The following KCNK10 variants were observed in gnomAD, a reference collection of about 807,000 sequenced individuals.
KCNK10 encodes the protein potassium channel subfamily K member 10.
KCNK10 carries 25 observed loss-of-function variants against 47.7 expected under a neutral mutation model. The observed-to-expected ratio is 0.52, with a 90% confidence interval of 0.38 to 0.73. The LOEUF (loss-of-function observed/expected upper bound fraction) is 0.73. KCNK10 is among the 30% of genes least tolerant of loss of function. KCNK10 has a pLI of 0.00. For missense variants in KCNK10, 563 were observed against 714.5 expected, an observed-to-expected ratio of 0.79 and a Z score of 2.42; for synonymous variants, 303 against 285.6, an observed-to-expected ratio of 1.06 and a Z score of -0.61.
intron 4 of KCNK10, among the ~76,000 whole-genome samples, chr14:88,216,570 G>A (rs554541985): frequency 1.3e-5 from 2 of 152,260 alleles, no homozygotes; most frequent in East Asian, 3.9e-4. Flanking sequence ...GCAATCCTAT[G>A]TTAAATGAAG....
chr14:88,290,969 C>T (rs994793083), intron 1 of KCNK10, among the ~76,000 whole-genome samples: 2 of 152,186 alleles, frequency 1.3e-5, no homozygotes, highest in Non-Finnish European at 2.9e-5. Context: ...GTGGCAGAAC[C>T]GTGCTGTGGG....
intron 4 of KCNK10, among the ~76,000 whole-genome samples, chr14:88,206,880 T>C (rs1405914247): frequency 2.0e-5 from 3 of 152,206 alleles, no homozygotes; most frequent in Non-Finnish European, 2.9e-5. Flanking sequence ...ATATATGCTA[T>C]AAAAGAATAT....
At chr14:88,304,516 GA>G (rs1433896427) in intron 1 of KCNK10, among the ~76,000 whole-genome samples, 3 of 152,326 alleles carry the variant, frequency 2.0e-5, no homozygotes, top group African/African-American at 7.2e-5. Context: ...ACACAGCAGT[GA>G]AAAAAGTTTG....
intron 4 of KCNK10, among the ~76,000 whole-genome samples, chr14:88,199,149 A>T (rs1885020210): frequency 6.6e-6 from 1 of 151,994 alleles, no homozygotes; most frequent in East Asian, 1.9e-4. Context: ...TGAACTCCTG[A>T]CCTCAAGTGA....
intron 3 of KCNK10, among the ~76,000 whole-genome samples, chr14:88,233,917 A>G (rs1304545759): frequency 3.3e-5 from 5 of 152,220 alleles, no homozygotes; most frequent in Non-Finnish European, 7.3e-5. Flanking sequence ...CTAATGTCTC[A>G]TGAATCCAAT....
chr14:88,237,433 C>T (rs908946667), intron 3 of KCNK10, among the ~76,000 whole-genome samples: 4 of 152,190 alleles, frequency 2.6e-5, no homozygotes, highest in Admixed American at 2.0e-4. Flanking sequence ...TTCTTAATGG[C>T]ATCTACAATG....
intron 4 of KCNK10, among the ~76,000 whole-genome samples, chr14:88,221,945 C>A (rs1447707319): frequency 6.6e-6 from 1 of 152,164 alleles, no homozygotes; most frequent in African/African-American, 2.4e-5. Context: ...ATAAGCCAGT[C>A]TGAAAAGGCT....
chr14:88,233,547 G>C (rs577645825), intron 3 of KCNK10, among the ~76,000 whole-genome samples: 1 of 152,232 alleles, frequency 6.6e-6, no homozygotes, highest in Non-Finnish European at 1.5e-5. Flanking sequence ...ATATGACAAT[G>C]AGGACATGGG....
chr14:88,199,483 C>G (rs1299189105), intron 4 of KCNK10, among the ~76,000 whole-genome samples: 1 of 152,172 alleles, frequency 6.6e-6, no homozygotes, highest in Non-Finnish European at 1.5e-5. Context: ...CTGGCTAGAG[C>G]TGTCTGGGAA....
intron 1 of KCNK10, among the ~76,000 whole-genome samples, chr14:88,314,095 G>T (rs920935885): frequency 3.9e-5 from 6 of 152,202 alleles, no homozygotes; most frequent in African/African-American, 7.2e-5. Flanking sequence ...GCTAGGAAAG[G>T]TTAGGTGACT....
intron 3 of KCNK10, among the ~76,000 whole-genome samples, chr14:88,230,927 G>T (rs183358749): frequency 5.7e-4 from 87 of 152,300 alleles, no homozygotes; most frequent in African/African-American, 2.0e-3. Flanking sequence ...ACGTTAACTA[G>T]TAAGAACTCA....
intron 1 of KCNK10, among the ~76,000 whole-genome samples, chr14:88,280,866 C>T (rs908605805): frequency 6.6e-5 from 10 of 152,170 alleles, no homozygotes; most frequent in African/African-American, 2.4e-4. Flanking sequence ...CTCACCCACT[C>T]CCACAGAGCA....
chr14:88,212,669 A>G (rs1016727554), intron 4 of KCNK10, among the ~76,000 whole-genome samples: 1 of 152,170 alleles, frequency 6.6e-6, no homozygotes, highest in Non-Finnish European at 1.5e-5. Flanking sequence ...TCCACCACCT[A>G]TAGGATGAGA....
chr14:88,221,145 T>C (rs1230785775), intron 4 of KCNK10, among the ~76,000 whole-genome samples: 2 of 151,436 alleles, frequency 1.3e-5, no homozygotes, highest in South Asian at 2.1e-4. Context: ...CTACTAAAAA[T>C]ACAAAAATTA....
chr14:88,233,189 TC>T, intron 3 of KCNK10, among the ~76,000 whole-genome samples: 1 of 152,332 alleles, frequency 6.6e-6, no homozygotes, highest in South Asian at 2.1e-4. Context: ...AACATTTATT[TC>T]TTAACACTTC....
chr14:88,323,280 G>A (rs962560584), upstream of KCNK10: 15 of 985,536 alleles, frequency 1.5e-5, no homozygotes, highest in South Asian at 4.7e-5. Flanking sequence ...GGGCGGGCAC[G>A]TCAGCCTCGC....
chr14:88,185,933 G>C lies in KCNK10; in HGVS notation c.1234C>G (p.Arg412Gly), dbSNP rs200366528. 3 of 1,613,944 alleles carry C rather than the reference G, an allele frequency of 1.9e-6. No individual in the cohort carries two copies. The highest frequency in any genetic ancestry group is 2.2e-5 in the East Asian group (1 of 44,832). ...CTCTCCTGGGATGAGGCCTTGAAGC[G>C]GCCGGTGTCCAGGGCAGCAAAGACA... ...RSVFAALDTGRFKASSQESIN... is the reference protein window; with the variant it reads ...RSVFAALDTGGFKASSQESIN... The change falls in exon 7 of 7, where the codon CGC (arginine) becomes GGC (glycine). Residue 412 changes from arginine (R) to glycine (G), a missense_variant. By Grantham distance (125) the Arg-to-Gly change is moderately radical. Transcript: ENST00000319231. This position sits in a 1 kb window ranked among gnomAD's most constrained non-coding sequence, Gnocchi z 4.3.
chr14:88,192,177 AT>A lies in KCNK10; in HGVS notation c.868+46del, dbSNP rs771925665. The A allele has an allele frequency of 1.1e-4, 164 of 1,532,688 alleles. 1 individual carries two copies. In the East Asian group the frequency reaches 3.7e-3, roughly 35 times the overall value. The allele number at this position is 1,532,688 out of a possible 1,614,324, so 94.9% of individuals were successfully genotyped here. ...TTGCGAAAAGCACAGCCAACAGATT[AT>A]TTTTCCCGCCAGAGCCCCAGTGCCT... On this transcript the variant is annotated intron_variant, in intron 5 of 6. Coordinates refer to ENST00000319231, the MANE Select transcript of KCNK10 (RefSeq NM_138317.3).
chr14:88,186,966 T>C lies in KCNK10; in HGVS notation c.1012-811A>G, dbSNP rs555423634. On this transcript the variant is annotated intron_variant, in intron 6 of 6. Transcript: ENST00000319231. The surrounding 1 kb of genome is among the most constrained non-coding windows in gnomAD (Gnocchi z 5.5). ...TAATGAACAGGGCAGACAGTATAAG[T>C]CCCATGCTTCCCTCTGCAAATGAGG... 2.6e-4 allele frequency among the ~76,000 whole-genome samples: 40 copies of C among 152,296 alleles called. No individual in the cohort carries two copies. The highest frequency in any genetic ancestry group is 1.0e-3 in the Admixed American group (16 of 15,292).
Sources: allele counts gnomAD v4.1 joint callset (sites outside exome capture counted in the v4.1 genomes callset), GRCh38; gene constraint gnomAD v4.1.1; non-coding constraint Gnocchi (gnomAD v3.1); transcripts MANE v1.5; gene names NCBI Gene and HGNC (gene_info 2026-07-23, HGNC 2026-07-21).